The following KANSL1 variants were observed in gnomAD, a reference collection of about 807,000 sequenced individuals.
KANSL1 encodes the protein KAT8 regulatory NSL complex subunit 1.
Under a neutral mutation model 103.6 loss-of-function variants are expected in KANSL1, and 22 were observed. The ratio of observed to expected loss-of-function variants is 0.21; its 90% CI spans 0.15 to 0.30. The LOEUF (loss-of-function observed/expected upper bound fraction) is 0.30, where lower values mean the gene tolerates loss of function less well. Among genes scored for constraint, KANSL1 ranks in the 10% least tolerant of loss-of-function variants. The pLI is 1.00. For missense variants in KANSL1, 1,337 were observed against 1,399.8 expected (o/e 0.96, Z 0.72); for synonymous variants, 600 against 527.6 (o/e 1.14, Z -1.88).
chr17:46,125,291 G>A lies in KANSL1; in HGVS notation c.1290-30590C>T, dbSNP rs186314727. Among the ~76,000 whole-genome samples, 21 of 152,294 alleles carry A rather than the reference G, an allele frequency of 1.4e-4. No homozygotes were observed. In the East Asian group the frequency reaches 3.5e-3, roughly 25 times the overall value. On this transcript the variant is annotated intron_variant, in intron 2 of 14. Coordinates refer to ENST00000432791, the MANE Select transcript of KANSL1 (RefSeq NM_015443.4). ...TTAGCAATAAATATTTTAAAATTAA[G>A]GTAGTCCACTATTTATTATGACATA... is the stretch of plus-strand genomic sequence containing the variant.
chr17:46,162,128 A>C (rs557499928), intron 2 of KANSL1, among the ~76,000 whole-genome samples: 54 of 152,376 alleles, frequency 3.5e-4, no homozygotes, highest in African/African-American at 1.3e-3. Flanking sequence ...AATCTATATA[A>C]ACTCAATGTT....
chr17:46,111,643 T>C (rs1442862291), intron 2 of KANSL1, among the ~76,000 whole-genome samples: 2 of 152,198 alleles, frequency 1.3e-5, no homozygotes, highest in Non-Finnish European at 2.9e-5. Context: ...AAATACAACA[T>C]ATACATCCAA....
intron 2 of KANSL1, among the ~76,000 whole-genome samples, chr17:46,135,789 C>T (rs1043374638): frequency 2.7e-5 from 4 of 150,388 alleles, no homozygotes; most frequent in East Asian, 2.0e-4. Context: ...CCTCAGCCTC[C>T]CAAAAGTGCT....
chr17:46,135,379 T>C (rs866917868), intron 2 of KANSL1, among the ~76,000 whole-genome samples: 2 of 132,880 alleles, frequency 1.5e-5, no homozygotes, highest in African/African-American at 5.1e-5. Context: ...ACATAAAACA[T>C]AGTATGGAAG....
chr17:46,120,701 C>A (rs1260984374), intron 2 of KANSL1, among the ~76,000 whole-genome samples: 1 of 152,146 alleles, frequency 6.6e-6, no homozygotes, highest in East Asian at 1.9e-4. Context: ...CCCTCCCTTC[C>A]ATTTCCTTTG....
At position 46,082,506 on chromosome 17, in the gene KANSL1, G is replaced by C; in HGVS notation, c.1468C>G (p.His490Asp). 3 of 1,612,238 alleles carry C rather than the reference G, an allele frequency of 1.9e-6. No homozygotes were observed. Among genetic ancestry groups the C allele is most frequent in the Non-Finnish European group, 2.5e-6 (3 of 1,178,610 alleles). Residue 490 changes from histidine (H) to aspartate (D), a missense_variant, in exon 4 of 15, where the codon CAT becomes GAT. Physicochemically the swap from His to Asp is moderately conservative, Grantham distance 81. Transcript: ENST00000432791. ...IVLGEVPPPEHTTDLFLPLSS... is the reference protein window; with the variant it reads ...IVLGEVPPPEDTTDLFLPLSS... The stretch of plus-strand genomic sequence containing the variant: ...AGTGGAAGAAATAAGTCTGTTGTAT[G>C]CTCTGGGGGAGGTACCTCCCCAAGA...
At chr17:46,147,822 G>C (rs2044812273) in intron 2 of KANSL1, among the ~76,000 whole-genome samples, 1 of 152,184 alleles carries the variant, frequency 6.6e-6, no homozygotes, top group Non-Finnish European at 1.5e-5. Context: ...CTCGAAGTTT[G>C]GTACAAAGAT....
chr17:46,139,654 T>G (rs62063211), intron 2 of KANSL1, among the ~76,000 whole-genome samples: 1 of 152,284 alleles, frequency 6.6e-6, no homozygotes, highest in South Asian at 2.1e-4. Context: ...TTATGTCTAG[T>G]ACTCCTGTTG....
chr17:46,092,737 G>GGGC, intron 3 of KANSL1: 1 of 99,800 alleles, frequency 1.0e-5, no homozygotes, highest in African/African-American at 3.8e-5. Flanking sequence ...GGGAGGGTGG[G>GGGC]TGTCTTTTAT....
intron 1 of KANSL1, among the ~76,000 whole-genome samples, chr17:46,213,073 C>T (rs960031088): frequency 6.6e-6 from 1 of 152,220 alleles, no homozygotes; most frequent in African/African-American, 2.4e-5. Flanking sequence ...TAAATATCAG[C>T]AACTGCAGCT....
intron 2 of KANSL1, 147 bp downstream of exon 2, chr17:46,170,708 C>T: frequency 1.2e-6 from 1 of 863,534 alleles, no homozygotes; most frequent in South Asian, 1.7e-5. Flanking sequence ...CATGTATATG[C>T]ACTCATCTAC....
intron 6 of KANSL1, among the ~76,000 whole-genome samples, chr17:46,063,765 C>G (rs73984683): frequency 2.0e-5 from 3 of 152,022 alleles, no homozygotes; most frequent in Non-Finnish European, 4.4e-5. Context: ...GGCTACTTCA[C>G]ATATTAAAAA....
chr17:46,139,078 G>A (rs912285947), intron 2 of KANSL1, among the ~76,000 whole-genome samples: 7 of 152,196 alleles, frequency 4.6e-5, no homozygotes, highest in African/African-American at 1.4e-4. Flanking sequence ...CATTAAAAAG[G>A]AAGGCAGAAA....
upstream of KANSL1, among the ~76,000 whole-genome samples, chr17:46,224,264 A>C (rs2048616560): frequency 6.6e-6 from 1 of 152,204 alleles, no homozygotes; most frequent in East Asian, 1.9e-4. Context: ...TTCTTGACTG[A>C]AGTACTAGAA....
At chr17:46,032,348 T>A in intron 13 of KANSL1, 49 bp from the exon 14 acceptor site, 1 of 1,480,502 alleles carries the variant, frequency 6.8e-7, no homozygotes, top group Non-Finnish European at 9.0e-7. Flanking sequence ...TGTTTACTTA[T>A]GGGGGTAGAG....
intron 2 of KANSL1, chr17:46,120,108 AAAGT>A (rs1261361548): frequency 3.3e-5 from 5 of 152,310 alleles, no homozygotes; most frequent in Non-Finnish European, 5.9e-5. Context: ...GTTCAATCTG[AAAGT>A]ATCACTTCTA....
chr17:46,116,936 G>C (rs2043071213), intron 2 of KANSL1, among the ~76,000 whole-genome samples: 1 of 152,222 alleles, frequency 6.6e-6, no homozygotes, highest in Non-Finnish European at 1.5e-5. Context: ...GTAATCAACA[G>C]TAATACTGAA....
chr17:46,092,702 GTTTT>G (rs1182576324), intron 3 of KANSL1, among the ~76,000 whole-genome samples: 578 of 33,128 alleles, frequency 0.017, no homozygotes, highest in Middle Eastern at 0.071. Context: ...CTGTTGGGTT[GTTTT>G]TTTTTTTTTG....
In KANSL1 at chr17:46,131,304, T is replaced by C. The variant is rs1218959356; in HGVS notation, c.1290-36603A>G. On this transcript the variant is annotated intron_variant, in intron 2 of 14. Coordinates refer to ENST00000432791, the MANE Select transcript of KANSL1 (RefSeq NM_015443.4). ...TTAAGGCATGGTATTAAGGCTAACA[T>C]GATGTCCATCTAACATCCAGTTTCT... is the stretch of plus-strand genomic sequence containing the variant. Among the ~76,000 whole-genome samples the C allele has an allele frequency of 2.0e-5, 3 of 152,238 alleles. No individual in the cohort carries two copies. The East Asian group carries it at 5.8e-4, about 29-fold the overall frequency.
Sources: allele counts gnomAD v4.1 joint callset (sites outside exome capture counted in the v4.1 genomes callset), GRCh38; gene constraint gnomAD v4.1.1; transcripts MANE v1.5; gene names NCBI Gene and HGNC (gene_info 2026-07-23, HGNC 2026-07-21).